The following PDE11A variants were observed in gnomAD, a reference collection of about 807,000 sequenced individuals.
PDE11A encodes phosphodiesterase 11A.
In PDE11A, 100 loss-of-function variants were observed where a neutral mutation model predicts 100.5. That is an observed-to-expected ratio of 1.00 (90% CI 0.85 to 1.18). The LOEUF (loss-of-function observed/expected upper bound fraction) is 1.18. PDE11A is among the 50% of genes most tolerant of loss of function. PDE11A has a pLI of 0.00. For synonymous variants in PDE11A, 381 were observed against 420.8 expected (o/e 0.91, Z 1.16); for missense variants, 1,141 against 1,152.6 (o/e 0.99, Z 0.15).
chr2:177,853,298 G>C (rs1417877185), intron 5 of PDE11A, among the ~76,000 whole-genome samples: 2 of 151,940 alleles, frequency 1.3e-5, no homozygotes, highest in African/African-American at 4.8e-5. Context: ...AATGTTGAAG[G>C]CTGCATAGCG....
intron 10 of PDE11A, among the ~76,000 whole-genome samples, chr2:177,763,510 C>A (rs1458376346): frequency 6.6e-6 from 1 of 152,158 alleles, no homozygotes; most frequent in Non-Finnish European, 1.5e-5. Flanking sequence ...CTTTCTGGTA[C>A]CCAGAAGTCC....
chr2:178,070,792 G>A (rs1363899987), intron 1 of PDE11A, among the ~76,000 whole-genome samples: 137 of 152,226 alleles, frequency 9.0e-4, no homozygotes, highest in African/African-American at 3.1e-3. Flanking sequence ...TTTGTTGTTT[G>A]TTTCATAAAT....
At chr2:177,982,987 C>T (rs2085901073) in intron 2 of PDE11A, among the ~76,000 whole-genome samples, 1 of 150,376 alleles carries the variant, frequency 6.6e-6, no homozygotes, top group South Asian at 2.2e-4. Flanking sequence ...GGCTGAGGCA[C>T]AAGAATCACT....
chr2:178,026,625 C>T (rs1372946077), intron 1 of PDE11A, among the ~76,000 whole-genome samples: 1 of 150,340 alleles, frequency 6.7e-6, no homozygotes, highest in Non-Finnish European at 1.5e-5. Context: ...TGCGCCACTG[C>T]ACTCCAGCCT....
At chr2:177,666,730 A>G (rs1433617155) in intron 18 of PDE11A, among the ~76,000 whole-genome samples, 3 of 48,688 alleles carry the variant, frequency 6.2e-5, no homozygotes, top group Non-Finnish European at 1.1e-4. Flanking sequence ...TCCTTTGCCT[A>G]TCTTTTAAAT....
At chr2:177,843,551 G>A (rs1248267305) in intron 5 of PDE11A, among the ~76,000 whole-genome samples, 2 of 152,078 alleles carry the variant, frequency 1.3e-5, no homozygotes, top group Admixed American at 6.5e-5. Flanking sequence ...TACTGAGCAG[G>A]GGCTCCTGAA....
intron 2 of PDE11A, among the ~76,000 whole-genome samples, chr2:178,084,124 A>G (rs1480659064): frequency 1.3e-5 from 2 of 152,244 alleles, no homozygotes; most frequent in Admixed American, 6.5e-5. Flanking sequence ...TATTATAGCT[A>G]TCCCTCCATG....
At chr2:177,882,006 T>C (rs2084351212) in intron 4 of PDE11A, among the ~76,000 whole-genome samples, 1 of 152,226 alleles carries the variant, frequency 6.6e-6, no homozygotes, top group Non-Finnish European at 1.5e-5. Flanking sequence ...AGACATAATC[T>C]TTTAATTTGA....
intron 10 of PDE11A, among the ~76,000 whole-genome samples, chr2:177,734,731 T>C (rs1484055641): frequency 1.3e-5 from 2 of 152,118 alleles, no homozygotes; most frequent in Non-Finnish European, 2.9e-5. Flanking sequence ...ATGGCTGTTG[T>C]GAGGAGTGAA....
Position 178,072,511 on chromosome 2 carries a change from C to T in PDE11A, c.-74G>A, listed in dbSNP as rs2087149780. Reference sequence around the variant, plus strand: ...CCTGCCCCGAGGCCTCTAGCTGTTCCTGCACATGTTCACCCCCACCAGTAT... The same window carrying T: ...CCTGCCCCGAGGCCTCTAGCTGTTCTTGCACATGTTCACCCCCACCAGTAT... On this transcript the variant is annotated 5_prime_UTR_variant, in exon 1 of 20. Transcript: ENST00000286063. The T allele has an allele frequency of 3.1e-6, 5 of 1,592,564 alleles. No individual in the cohort carries two copies. In the East Asian group the frequency reaches 1.1e-4, roughly 36 times the overall value.
chr2:178,007,501 A>C (rs7588973), intron 2 of PDE11A, among the ~76,000 whole-genome samples: 35,364 of 152,032 alleles, frequency 0.23, 4,239 homozygotes, highest in African/African-American at 0.27. Context: ...CCTGGGTAAC[A>C]GCTTTTAAAA....
chr2:177,932,925 A>T (rs2085225816), intron 2 of PDE11A, among the ~76,000 whole-genome samples: 1 of 152,180 alleles, frequency 6.6e-6, no homozygotes, highest in African/African-American at 2.4e-5. Flanking sequence ...AATCCTAAGG[A>T]CTTTACCAAA....
chr2:177,946,168 C>T (rs1428759702), intron 2 of PDE11A, among the ~76,000 whole-genome samples: 50 of 115,158 alleles, frequency 4.3e-4, no homozygotes, highest in African/African-American at 1.6e-3. Context: ...TCTGCCCGGC[C>T]GCCCCTACTG....
rs943941753 is a variant in PDE11A at position 177,814,699 on chromosome 2, C to T, written c.1737+2130G>A. Reference sequence around the variant, plus strand: ...TCAGAGTCAGTAATAATTTTTGTGTCTAAGGACAGAGGGATCTGAGTTACA... The same window carrying T: ...TCAGAGTCAGTAATAATTTTTGTGTTTAAGGACAGAGGGATCTGAGTTACA... On this transcript the variant is annotated intron_variant, in intron 9 of 19. Transcript: ENST00000286063. 4.6e-5 allele frequency among the ~76,000 whole-genome samples: 7 copies of T among 152,282 alleles called. No homozygotes were observed. The South Asian group carries it at 1.5e-3, about 32-fold the overall frequency.
At chr2:178,056,848 T>A (rs1446887861) in intron 1 of PDE11A, among the ~76,000 whole-genome samples, 1 of 151,492 alleles carries the variant, frequency 6.6e-6, no homozygotes, top group African/African-American at 2.4e-5. Context: ...AGAAGAGGAT[T>A]AGGAAAAGAG....
chr2:177,847,201 G>A (rs1034403294), intron 5 of PDE11A, among the ~76,000 whole-genome samples: 1 of 152,144 alleles, frequency 6.6e-6, no homozygotes, highest in Non-Finnish European at 1.5e-5. Flanking sequence ...TCTCCATGGG[G>A]TCTGAGTAGG....
chr2:177,841,946 T>C (rs991076959), intron 5 of PDE11A, among the ~76,000 whole-genome samples: 13 of 152,222 alleles, frequency 8.5e-5, no homozygotes, highest in Non-Finnish European at 1.8e-4. Context: ...TGCATCTCAT[T>C]TCATGAGATG....
chr2:178,016,279 G>A (rs542972715), intron 1 of PDE11A, among the ~76,000 whole-genome samples: 1 of 151,718 alleles, frequency 6.6e-6, no homozygotes. Flanking sequence ...CACAGTGCCC[G>A]GCCAGGAGTC....
At chr2:178,001,275 A>AGTGTGT (rs57136586) in intron 2 of PDE11A, among the ~76,000 whole-genome samples, 9,590 of 140,704 alleles carry the variant, frequency 0.068, 317 homozygotes, top group East Asian at 0.095. Flanking sequence ...ACAATGTGAA[A>AGTGTGT]GTGTGTGTGT....
Sources: gnomAD v4.1 joint callset for allele counts (sites outside exome capture counted in the v4.1 genomes callset) on GRCh38, gnomAD v4.1.1 for gene constraint, MANE v1.5 for transcripts, NCBI Gene and HGNC (gene_info 2026-07-23, HGNC 2026-07-21) for gene names.